CDHR2: variants seen among roughly 807,000 people sequenced by gnomAD.
CDHR2 encodes cadherin-related family member 2.
A neutral mutation model predicts 138.6 loss-of-function variants in CDHR2; 104 were observed. That is an observed-to-expected ratio of 0.75 (90% CI 0.64 to 0.88). The LOEUF (loss-of-function observed/expected upper bound fraction) is 0.88. Ranked by LOEUF, CDHR2 falls within the 40% of genes least tolerant of loss-of-function variation. CDHR2 has a pLI of 0.00. For synonymous variants in CDHR2, 755 were observed against 742.8 expected (o/e 1.02, Z -0.27); for missense variants, 1,624 against 1,727.6 (o/e 0.94, Z 1.06).
chr5:176,594,840 G>GGT (rs111567221), intron 31 of CDHR2, among the ~76,000 whole-genome samples: 3,013 of 151,872 alleles, frequency 0.02, 91 homozygotes, highest in African/African-American at 0.067. Context: ...TCCACAGGAG[G>GGT]GTGTGTGTGT....
At chr5:176,588,385 AGT>A (rs199645443) in intron 21 of CDHR2, among the ~76,000 whole-genome samples, 4,102 of 147,056 alleles carry the variant, frequency 0.028, 72 homozygotes, top group Middle Eastern at 0.048. Context: ...GTGTGAATTG[AGT>A]GTGTGGTGAG....
chr5:176,563,209 G>A (rs1290976061), intron 1 of CDHR2, among the ~76,000 whole-genome samples: 19 of 152,152 alleles, frequency 1.2e-4, no homozygotes, highest in Admixed American at 1.2e-3. Context: ...TTAGCCCAGT[G>A]TGGTGGTGGG....
chr5:176,565,395 G>C lies in CDHR2; in HGVS notation c.43G>C (p.Val15Leu). ...WLSCFLLPAL[V>L]VSVAANVAPK... ...GTCCTGCTTCCTCCTTCCTGCCCTC[G>C]TGGTGTCTGGTAGGTGTCTCCCCTC... The change falls in exon 2 of 32, where the codon GTG (valine) becomes CTG (leucine). Residue 15 changes from valine to leucine, a missense_variant. Around this residue, in one of 3 missense-constraint regions of CDHR2, gnomAD observed 1,061 missense variants for 1,136.6 expected, o/e 0.93. Transcript: ENST00000261944. 4 of 1,613,916 alleles carry C rather than the reference G, an allele frequency of 2.5e-6. No individual in the cohort carries two copies. Among genetic ancestry groups the C allele is most frequent in the South Asian group, 1.1e-5 (1 of 91,080 alleles).
At chr5:176,577,902 T>C (rs11747451) in intron 14 of CDHR2, 104 bp downstream of exon 14, 575,644 of 1,476,454 alleles carry the variant, frequency 0.39, 120,149 homozygotes, top group Non-Finnish European at 0.43. Flanking sequence ...GGGGTGGCCA[T>C]GAGTGAATCT....
chr5:176,588,646 AGT>A (rs1345178140), intron 21 of CDHR2, among the ~76,000 whole-genome samples: 3 of 139,788 alleles, frequency 2.1e-5, no homozygotes, highest in Non-Finnish European at 3.1e-5. Flanking sequence ...ACTGAGTGTG[AGT>A]GGGACAGTGT....
chr5:176,548,248 T>C (rs1757627145), upstream of CDHR2, among the ~76,000 whole-genome samples: 2 of 152,380 alleles, frequency 1.3e-5, no homozygotes, highest in South Asian at 2.1e-4. Context: ...TGCATGACTA[T>C]ATATCTATTG....
chr5:176,593,399 AC>A (rs1277659324), intron 31 of CDHR2, among the ~76,000 whole-genome samples: 2 of 152,226 alleles, frequency 1.3e-5, no homozygotes, highest in African/African-American at 4.8e-5. Flanking sequence ...CTGATGGCCC[AC>A]GTGGAGCCTG....
chr5:176,575,465 G>A (rs907468822), intron 9 of CDHR2, 39 bp downstream of exon 9: 6 of 1,614,102 alleles, frequency 3.7e-6, no homozygotes, highest in South Asian at 1.1e-5. Context: ...GGAGGCGGGA[G>A]GCGGGGAAGT....
At position 176,578,227 on chromosome 5, in the gene CDHR2, G is replaced by A. The variant is rs1400358187; in HGVS notation, c.1574+132G>A. ...TTACATTTCAATTTCAGATAAACAA[G>A]GAATGACTTTTTGAAATAATGAATA... On this transcript the variant is annotated intron_variant, in intron 15 of 31. Transcript: ENST00000261944. 4 of 1,221,254 alleles carry A rather than the reference G, an allele frequency of 3.3e-6. No homozygotes were observed. In the East Asian group the frequency reaches 1.0e-4, roughly 31 times the overall value. 75.7% of individuals were successfully genotyped at this position (1,221,254 alleles called of 1,614,324 possible). A position where few individuals can be genotyped will look rare whatever the true frequency, so the allele number is the denominator to read the frequency against.
chr5:176,568,084 C>T (rs1453374496), intron 3 of CDHR2, among the ~76,000 whole-genome samples: 1 of 152,198 alleles, frequency 6.6e-6, no homozygotes, highest in East Asian at 1.9e-4. Context: ...TAATGAATAT[C>T]GGGGCCAGTG....
At chr5:176,548,475 C>T (rs1187889261), upstream of CDHR2, among the ~76,000 whole-genome samples, 1 of 152,218 alleles carries the variant, frequency 6.6e-6, no homozygotes, top group African/African-American at 2.4e-5. Flanking sequence ...CTCCGTGGCT[C>T]ATCCCTGTAA....
At chr5:176,574,031 G>C (rs1758296194) in intron 6 of CDHR2, 52 bp from the exon 7 acceptor site, 3 of 1,380,858 alleles carry the variant, frequency 2.2e-6, no homozygotes, top group African/African-American at 1.4e-5. Flanking sequence ...TGACGGACAA[G>C]GGAGAGGAGG....
In CDHR2 at chr5:176,543,137, G is replaced by T. The variant is rs1757494644; in HGVS notation, c.-16+368G>T. Among the ~76,000 whole-genome samples the T allele has an allele frequency of 6.6e-6, 1 of 151,072 alleles. No individual in the cohort carries two copies. The highest frequency in any genetic ancestry group is 2.4e-5 in the African/African-American group (1 of 41,248). On this transcript the variant is annotated intron_variant, in intron 1 of 31. Transcript: ENST00000510636. This position sits in a 1 kb window ranked among gnomAD's most constrained non-coding sequence, Gnocchi z 4.0. ...TGCGAGCTCCCGCCGTGCGGGCGCC[G>T]GCAGAGGCCTGGCGGGAAGACCCCG...
intron 1 of CDHR2, among the ~76,000 whole-genome samples, chr5:176,561,977 C>G (rs1234848199): frequency 6.6e-6 from 1 of 152,016 alleles, no homozygotes; most frequent in Non-Finnish European, 1.5e-5. Context: ...AGTGCATCAG[C>G]CAGCAAGGCG....
Position 176,581,569 on chromosome 5 carries a change from C to A in CDHR2, c.2045C>A (p.Thr682Asn), listed in dbSNP as rs1758533304. 3 of 1,613,828 alleles carry A rather than the reference C, an allele frequency of 1.9e-6. No homozygotes were observed. Among genetic ancestry groups the A allele is most frequent in the Non-Finnish European group, 2.5e-6 (3 of 1,180,040 alleles). The change falls in exon 17 of 32, where the codon ACC becomes AAC. Residue 682 changes from threonine (T) to asparagine (N), a missense_variant. Transcript: ENST00000261944. ...GTCCTCGGCACCAAAGTCAATGTCA[C>A]CATCACTGTGGAGGTAAGGCCTCGC... is the stretch of plus-strand genomic sequence containing the variant. ...EPVLGTKVNV[T>N]ITVEDINDNL...
At chr5:176,579,028 A>G (rs1367728301) in intron 16 of CDHR2, among the ~76,000 whole-genome samples, 1 of 152,252 alleles carries the variant, frequency 6.6e-6, no homozygotes, top group Non-Finnish European at 1.5e-5. Context: ...GCTTGGAGTG[A>G]GCTGCAAATT....
chr5:176,575,664 G>A, intron 10 of CDHR2, 60 bp from the exon 11 acceptor site: 1 of 1,599,144 alleles, frequency 6.3e-7, no homozygotes, highest in Admixed American at 1.7e-5. Context: ...CAATGGGCCT[G>A]GGGCTCCGTC....
rs1461521803 is a variant in CDHR2 at position 176,584,552 on chromosome 5, C to T, written c.2271C>T (p.Tyr757=). ...TGGGGGCTGGGTGGGCTGAGGGCTA[C>T]CTCCGGCTGCCCCCGGACGTGAGCC... is the stretch of plus-strand genomic sequence containing the variant. ...LVLGAGWAEG[Y]LRLPPDVSLD... Residue 757 remains tyrosine, a synonymous_variant, in exon 19 of 32, where the codon TAC becomes TAT. Transcript: ENST00000261944. 18 of 1,612,368 alleles carry T rather than the reference C, an allele frequency of 1.1e-5. No homozygotes were observed. The highest frequency in any genetic ancestry group is 1.6e-4 in the Middle Eastern group (1 of 6,080).
chr5:176,574,293 TC>T lies in CDHR2; in HGVS notation c.495+125del, dbSNP rs1758307620. 4.1e-6 allele frequency: 3 copies of T among 731,756 alleles called. No homozygotes were observed. The African/African-American group carries it at 5.2e-5, about 13-fold the overall frequency. The allele number at this position is 731,756 out of a possible 1,614,324, so 45.3% of individuals were successfully genotyped here. On this transcript the variant is annotated intron_variant, in intron 7 of 31. Coordinates refer to ENST00000261944, the MANE Select transcript of CDHR2 (RefSeq NM_017675.6). ...TGGTCCTGCCTTGGCCCAGCCCTGG[TC>T]CCCAAACCGTCCTCTGGCCACCAGC...
Sources: allele counts gnomAD v4.1 joint callset (sites outside exome capture counted in the v4.1 genomes callset), GRCh38; gene constraint gnomAD v4.1.1; regional missense constraint gnomAD v4.1.1; non-coding constraint Gnocchi (gnomAD v3.1); transcripts MANE v1.5; gene names NCBI Gene and HGNC (gene_info 2026-07-23, HGNC 2026-07-21).